The following GTF2A1 variants were observed in gnomAD, a reference collection of about 807,000 sequenced individuals.
GTF2A1 encodes the protein transcription initiation factor IIA subunit 1.
A neutral mutation model predicts 54.1 loss-of-function variants in GTF2A1; 12 were observed. That is an observed-to-expected ratio of 0.22 (90% CI 0.14 to 0.36). The LOEUF is 0.36. GTF2A1 is among the 10% of genes least tolerant of loss of function. The probability of loss-of-function intolerance (pLI) is 1.00; values close to 1 mark genes in which losing one functional copy is unlikely to be tolerated. For missense variants in GTF2A1, 335 were observed against 442.2 expected (o/e 0.76, Z 2.17); for synonymous variants, 145 against 152.0 (o/e 0.95, Z 0.34).
At chr14:81,214,105 A>C (rs1360576456) in intron 2 of GTF2A1, among the ~76,000 whole-genome samples, 9 of 152,154 alleles carry the variant, frequency 5.9e-5, no homozygotes, top group Non-Finnish European at 1.5e-5. Context: ...ATTCTAGAGA[A>C]GTTTCCTGTA....
At chr14:81,208,021 T>G (rs1893280380) in intron 2 of GTF2A1, among the ~76,000 whole-genome samples, 1 of 152,202 alleles carries the variant, frequency 6.6e-6, no homozygotes, top group Admixed American at 6.5e-5. Context: ...AGCCATTTTT[T>G]GAGGAGAAAT....
intron 8 of GTF2A1, among the ~76,000 whole-genome samples, chr14:81,181,091 T>C (rs899024779): frequency 1.3e-5 from 2 of 152,212 alleles, no homozygotes; most frequent in African/African-American, 4.8e-5. Flanking sequence ...TCAAAAACTA[T>C]GTACATCCAC....
chr14:81,212,317 AGT>A (rs1396716711), intron 2 of GTF2A1, among the ~76,000 whole-genome samples: 1 of 152,208 alleles, frequency 6.6e-6, no homozygotes, highest in East Asian at 1.9e-4. Context: ...GAATTTCTAC[AGT>A]GTCATTCCCA....
intron 6 of GTF2A1, among the ~76,000 whole-genome samples, chr14:81,193,381 G>T (rs988513139): frequency 2.6e-5 from 4 of 152,030 alleles, no homozygotes; most frequent in East Asian, 1.9e-4. Context: ...TGGTCAGGCT[G>T]GTCTCGAACT....
chr14:81,204,948 T>G (rs1293575228), intron 2 of GTF2A1, among the ~76,000 whole-genome samples: 1 of 152,152 alleles, frequency 6.6e-6, no homozygotes, highest in Non-Finnish European at 1.5e-5. Context: ...AACTATTCCC[T>G]GAAAATACAG....
intron 8 of GTF2A1, among the ~76,000 whole-genome samples, chr14:81,181,337 G>T (rs1420131369): frequency 6.9e-6 from 1 of 144,722 alleles, no homozygotes. Context: ...TGATCTAAAG[G>T]TACCTAAAAA....
At chr14:81,211,928 T>C (rs1434998593) in intron 2 of GTF2A1, among the ~76,000 whole-genome samples, 1 of 141,502 alleles carries the variant, frequency 7.1e-6, no homozygotes, top group Non-Finnish European at 1.5e-5. Context: ...ATATTTAGAA[T>C]AGTGGTTCTC....
At chr14:81,209,819 G>A in intron 2 of GTF2A1, 1 of 666,910 alleles carries the variant, frequency 1.5e-6, no homozygotes, top group Non-Finnish European at 2.3e-6. Context: ...TCAAAGAAAA[G>A]CCATCACTCA....
intron 8 of GTF2A1, among the ~76,000 whole-genome samples, chr14:81,183,735 A>C (rs1566850345): frequency 6.6e-6 from 1 of 152,226 alleles, no homozygotes; most frequent in Non-Finnish European, 1.5e-5. Flanking sequence ...ACACGTAAGC[A>C]AGAACTCTAC....
intron 6 of GTF2A1, among the ~76,000 whole-genome samples, chr14:81,193,402 T>C (rs921887378): frequency 6.6e-6 from 1 of 152,210 alleles, no homozygotes; most frequent in East Asian, 1.9e-4. Flanking sequence ...CACGACCTCA[T>C]GATCCGCCCG....
At chr14:81,207,507 C>A (rs1893265010) in intron 2 of GTF2A1, among the ~76,000 whole-genome samples, 1 of 151,258 alleles carries the variant, frequency 6.6e-6, no homozygotes, top group Non-Finnish European at 1.5e-5. Context: ...AGCGTGAAAA[C>A]AAACTAATAT....
chr14:81,206,324 T>C (rs986865975), intron 2 of GTF2A1, among the ~76,000 whole-genome samples: 5 of 152,318 alleles, frequency 3.3e-5, no homozygotes, highest in Admixed American at 6.5e-5. Context: ...CTCTATGACA[T>C]GGCCCTGGTC....
chr14:81,178,185 C>G lies in GTF2A1; in HGVS notation c.*2038G>C, dbSNP rs1892566759. ...CATACAGTAATCCAAGTTTCAGTAG[C>G]ATAAAAACTACTAGATAGCCAAAGG... On this transcript the variant is annotated 3_prime_UTR_variant, in exon 9 of 9. Coordinates refer to ENST00000553612, the MANE Select transcript of GTF2A1 (RefSeq NM_015859.4). 1 of 152,026 alleles carries G rather than the reference C, an allele frequency of 6.6e-6. No homozygotes were observed. Among genetic ancestry groups the G allele is most frequent in the Admixed American group, 6.6e-5 (1 of 15,248 alleles). 9.4% of individuals were successfully genotyped at this position (152,026 alleles called of 1,614,324 possible). A position where few individuals can be genotyped will look rare whatever the true frequency, so the allele number is the denominator to read the frequency against.
At chr14:81,211,857 TAG>T (rs1168229159) in intron 2 of GTF2A1, among the ~76,000 whole-genome samples, 13 of 121,308 alleles carry the variant, frequency 1.1e-4, no homozygotes, top group African/African-American at 4.4e-4. Flanking sequence ...TACACATAAT[TAG>T]AGTGTATCAA....
intron 3 of GTF2A1, among the ~76,000 whole-genome samples, 183 bp from the exon 4 acceptor site, chr14:81,201,841 AC>A (rs1348729544): frequency 6.6e-6 from 1 of 152,154 alleles, no homozygotes; most frequent in Non-Finnish European, 1.5e-5. Flanking sequence ...GCTGTGATAT[AC>A]CCACCCTATA....
At chr14:81,196,655 A>G (rs190005456) in intron 5 of GTF2A1, among the ~76,000 whole-genome samples, 3 of 152,340 alleles carry the variant, frequency 2.0e-5, no homozygotes, top group Admixed American at 1.3e-4. Flanking sequence ...TGAACCAAAC[A>G]AAGCACCAAA....
intron 1 of GTF2A1, among the ~76,000 whole-genome samples, chr14:81,218,780 A>T (rs1480161082): frequency 1.3e-5 from 2 of 150,990 alleles, no homozygotes; most frequent in Non-Finnish European, 2.9e-5. Context: ...ATCCAAGGCA[A>T]TAAAGTTCTA....
chr14:81,191,032 G>A (rs537814186), intron 7 of GTF2A1, among the ~76,000 whole-genome samples: 5 of 152,200 alleles, frequency 3.3e-5, no homozygotes, highest in South Asian at 2.1e-4. Context: ...GGGAGGAAAC[G>A]GGCAAGAGAC....
intron 8 of GTF2A1, among the ~76,000 whole-genome samples, chr14:81,183,331 A>G (rs1037122911): frequency 6.6e-6 from 1 of 152,216 alleles, no homozygotes; most frequent in Non-Finnish European, 1.5e-5. Flanking sequence ...CTGCAACCAG[A>G]AAGACCGTGG....
Sources: allele counts gnomAD v4.1 joint callset (sites outside exome capture counted in the v4.1 genomes callset), GRCh38; gene constraint gnomAD v4.1.1; transcripts MANE v1.5; gene names NCBI Gene and HGNC (gene_info 2026-07-23, HGNC 2026-07-21).